PCDH11X: variants seen among roughly 807,000 people sequenced by gnomAD.
PCDH11X encodes the protein protocadherin 11 X-linked, also known as protocadherin-11 X-linked.
A neutral mutation model predicts 53.3 loss-of-function variants in PCDH11X; 18 were observed. The observed-to-expected ratio is 0.34, with a 90% CI of 0.23 to 0.50. PCDH11X has a LOEUF of 0.50. Ranked by LOEUF, PCDH11X falls within the 20% of genes least tolerant of loss-of-function variation. The pLI is 0.98. For synonymous variants in PCDH11X, 279 were observed against 393.3 expected, an observed-to-expected ratio of 0.71 and a Z score of 3.44; for missense variants, 570 against 1,032.4, an observed-to-expected ratio of 0.55 and a Z score of 6.14.
intron 6 of PCDH11X, among the ~76,000 whole-genome samples, chrX:92,010,979 T>C (rs2147979389): frequency 9.0e-6 from 1 of 111,292 alleles, no homozygotes; most frequent in East Asian, 2.9e-4. Context: ...ATGAGATATT[T>C]GGATTCCTGT....
In PCDH11X at chrX:91,797,214, C is replaced by T. The variant is rs184570695; in HGVS notation, c.-378-12252C>T. Among the ~76,000 whole-genome samples, 134 of 110,979 alleles carry T rather than the reference C, an allele frequency of 1.2e-3. No homozygotes were observed. The Middle Eastern group carries it at 0.014, about 12-fold the overall frequency. On this transcript the variant is annotated intron_variant, in intron 1 of 10. Coordinates refer to ENST00000682573, the MANE Select transcript of PCDH11X (RefSeq NM_032968.5). The stretch of plus-strand genomic sequence containing the variant: ...TACCTATAAAATTGCCTGTCGTTAA[C>T]AATTCAGTTACAGCCTGGTGAATGT...
intron 6 of PCDH11X, among the ~76,000 whole-genome samples, chrX:92,124,159 A>G (rs1436418634): frequency 9.0e-6 from 1 of 110,845 alleles, no homozygotes; most frequent in Non-Finnish European, 1.9e-5. Flanking sequence ...CTTTTCCTCT[A>G]TTTTATGTGT....
intron 4 of PCDH11X, among the ~76,000 whole-genome samples, chrX:91,823,637 G>C (rs1286249540): frequency 9.0e-6 from 1 of 111,586 alleles, no homozygotes; most frequent in Non-Finnish European, 1.9e-5. Context: ...CAATTTGCCA[G>C]TCTGTGTCTT....
intron 8 of PCDH11X, among the ~76,000 whole-genome samples, chrX:92,263,540 A>G (rs2067763577): frequency 8.9e-6 from 1 of 112,002 alleles, no homozygotes; most frequent in African/African-American, 3.2e-5. Context: ...ATGATATTTG[A>G]TAGGGTCACA....
intron 8 of PCDH11X, among the ~76,000 whole-genome samples, chrX:92,267,323 C>T (rs2067854866): frequency 8.9e-6 from 1 of 112,162 alleles, no homozygotes; most frequent in Non-Finnish European, 1.9e-5. Context: ...AGAAACAGAA[C>T]TGACTGAGAT....
chrX:92,189,430 G>A (rs957802588), intron 6 of PCDH11X, among the ~76,000 whole-genome samples: 3 of 111,632 alleles, frequency 2.7e-5, no homozygotes, highest in African/African-American at 9.8e-5. Context: ...TGGTGTATAT[G>A]TACCATACCA....
At chrX:91,879,497 G>A (rs1490792933) in intron 6 of PCDH11X, 5 of 1,074,754 alleles carry the variant, frequency 4.7e-6, no homozygotes, top group Non-Finnish European at 6.0e-6. Flanking sequence ...ATTATAGTAG[G>A]GGCAATTTTG....
chrX:92,039,539 C>G (rs1384673664), intron 6 of PCDH11X, among the ~76,000 whole-genome samples: 1 of 110,158 alleles, frequency 9.1e-6, no homozygotes, highest in South Asian at 3.9e-4. Flanking sequence ...TGCTAATGTT[C>G]ACTTAAAGCC....
At chrX:92,147,593 C>T (rs1295784671) in intron 6 of PCDH11X, among the ~76,000 whole-genome samples, 4 of 109,519 alleles carry the variant, frequency 3.7e-5, no homozygotes, top group East Asian at 2.9e-4. Flanking sequence ...GCAGAGAACT[C>T]GATTGAAGTT....
At chrX:92,257,530 A>G (rs944700367) in intron 7 of PCDH11X, among the ~76,000 whole-genome samples, 2 of 112,316 alleles carry the variant, frequency 1.8e-5, no homozygotes, top group African/African-American at 6.5e-5. Flanking sequence ...CCTGTAAAAT[A>G]AAACACAAGT....
At chrX:92,037,075 A>T (rs1337094758) in intron 6 of PCDH11X, among the ~76,000 whole-genome samples, 1 of 111,579 alleles carries the variant, frequency 9.0e-6, no homozygotes, top group African/African-American at 3.3e-5. Context: ...AAATTCTGGG[A>T]TATATGTGCA....
intron 8 of PCDH11X, among the ~76,000 whole-genome samples, chrX:92,340,594 T>C (rs1368990507): frequency 2.7e-5 from 3 of 112,022 alleles, no homozygotes; most frequent in Non-Finnish European, 5.6e-5. Context: ...TGGTGTGAGC[T>C]GTATCTGAGG....
intron 8 of PCDH11X, among the ~76,000 whole-genome samples, chrX:92,314,995 G>A (rs1324282861): frequency 9.0e-6 from 1 of 111,011 alleles, no homozygotes; most frequent in Non-Finnish European, 1.9e-5. Flanking sequence ...AATATGTTAT[G>A]ATTTGAGTTT....
At chrX:92,555,848 ACTG>A (rs1343884488) in intron 10 of PCDH11X, among the ~76,000 whole-genome samples, 3 of 111,245 alleles carry the variant, frequency 2.7e-5, no homozygotes, top group African/African-American at 9.8e-5. Flanking sequence ...TCATTCTCAC[ACTG>A]CTATGATGAA....
chrX:92,033,446 G>A (rs1303225025), intron 6 of PCDH11X, among the ~76,000 whole-genome samples: 19 of 105,333 alleles, frequency 1.8e-4, no homozygotes, highest in Non-Finnish European at 1.9e-4. Flanking sequence ...TTCAGGTTTT[G>A]GATTTCTGCA....
intron 6 of PCDH11X, among the ~76,000 whole-genome samples, chrX:91,885,405 A>G (rs1252072059): frequency 9.0e-6 from 1 of 111,283 alleles, no homozygotes; most frequent in Non-Finnish European, 1.9e-5. Context: ...ATATACCTAG[A>G]GTGGAGGTTT....
intron 10 of PCDH11X, among the ~76,000 whole-genome samples, chrX:92,565,443 C>A (rs746614151): frequency 9.7e-6 from 1 of 102,636 alleles, no homozygotes; most frequent in African/African-American, 3.5e-5. Context: ...CAATGAAGTA[C>A]TATTCAGCCA....
At chrX:92,346,839 T>C (rs2069908790) in intron 8 of PCDH11X, among the ~76,000 whole-genome samples, 1 of 111,693 alleles carries the variant, frequency 9.0e-6, no homozygotes, top group South Asian at 3.7e-4. Context: ...ATGTATTTTC[T>C]ACGGTAGTGA....
At chrX:92,061,199 T>A (rs2148063006) in intron 6 of PCDH11X, among the ~76,000 whole-genome samples, 1 of 111,631 alleles carries the variant, frequency 9.0e-6, no homozygotes, top group Non-Finnish European at 1.9e-5. Context: ...CTCATTAATT[T>A]GTTTAAGTAC....
Sources: gnomAD v4.1 joint callset for allele counts (sites outside exome capture counted in the v4.1 genomes callset) on GRCh38, gnomAD v4.1.1 for gene constraint, MANE v1.5 for transcripts, NCBI Gene and HGNC (gene_info 2026-07-23, HGNC 2026-07-21) for gene names.